STS: variants seen among roughly 807,000 people sequenced by gnomAD.
The protein encoded by STS is steroid sulfatase.
Under a neutral mutation model 26.8 loss-of-function variants are expected in STS, and 7 were observed. The observed-to-expected ratio is 0.26, with a 90% confidence interval of 0.15 to 0.49. The LOEUF (loss-of-function observed/expected upper bound fraction) is 0.49. STS is among the 20% of genes least tolerant of loss of function. STS has a pLI of 0.98. For missense variants in STS, 434 were observed against 465.6 expected (o/e 0.93, Z 0.63); for synonymous variants, 199 against 189.4 (o/e 1.05, Z -0.42).
chrX:7,223,377 G>A (rs1026911615), intron 2 of STS, among the ~76,000 whole-genome samples: 5 of 112,244 alleles, frequency 4.5e-5, no homozygotes, highest in African/African-American at 1.6e-4. Flanking sequence ...GTGTGTAAGT[G>A]TTCCATTTTC....
intron 9 of STS, among the ~76,000 whole-genome samples, 183 bp from the exon 10 acceptor site, chrX:7,333,803 C>G (rs184387471): frequency 3.6e-4 from 41 of 112,692 alleles, no homozygotes; most frequent in Non-Finnish European, 6.9e-4. Context: ...GTGCTCTTTG[C>G]AGATGTAATG....
At chrX:7,154,555 A>G (rs777768664) in intron 1 of STS, among the ~76,000 whole-genome samples, 2 of 112,587 alleles carry the variant, frequency 1.8e-5, no homozygotes, top group South Asian at 7.3e-4. Flanking sequence ...TCTTATAGAA[A>G]TAAAGAAATG....
intron 2 of STS, among the ~76,000 whole-genome samples, chrX:7,242,183 G>A (rs1922652160): frequency 9.0e-6 from 1 of 111,150 alleles, no homozygotes; most frequent in Non-Finnish European, 1.9e-5. Flanking sequence ...GTGAATACCA[G>A]AAGGGAAGTC....
At position 7,326,559 on chromosome X, in the gene STS, G is replaced by A. The variant is rs747756164; in HGVS notation, c.1241+1061G>A. 2.0e-3 allele frequency among the ~76,000 whole-genome samples: 220 copies of A among 111,841 alleles called. 3 individuals are homozygous for A. The highest frequency in any genetic ancestry group is 2.3e-3 in the African/African-American group (72 of 30,762). Reference sequence around the variant, plus strand: ...CAGCTAAGGCCCCATTTCCCAGCACGTCTTCACTGAGAAGTTCTAAATGAA... The same window carrying A: ...CAGCTAAGGCCCCATTTCCCAGCACATCTTCACTGAGAAGTTCTAAATGAA... On this transcript the variant is annotated intron_variant, in intron 9 of 10. Transcript: ENST00000674429.
chrX:7,266,140 C>G (rs1205042262), intron 6 of STS, among the ~76,000 whole-genome samples: 1 of 102,887 alleles, frequency 9.7e-6, no homozygotes, highest in Non-Finnish European at 2.0e-5. Flanking sequence ...TAAAAATTTC[C>G]AGTTACAACT....
intron 2 of STS, among the ~76,000 whole-genome samples, chrX:7,246,202 A>G (rs181856065): frequency 6.3e-5 from 7 of 111,734 alleles, no homozygotes; most frequent in African/African-American, 2.3e-4. Flanking sequence ...TTCACAAGAT[A>G]AGCCATTGTT....
chrX:7,325,154 T>G (rs1365954531), intron 8 of STS, among the ~76,000 whole-genome samples, 185 bp from the exon 9 acceptor site: 1 of 112,004 alleles, frequency 8.9e-6, no homozygotes, highest in Non-Finnish European at 1.9e-5. Context: ...TGGTGGTGAC[T>G]GTATCATATA....
chrX:7,301,894 C>G (rs1471190292), intron 7 of STS, among the ~76,000 whole-genome samples: 2 of 111,761 alleles, frequency 1.8e-5, no homozygotes, highest in Admixed American at 9.6e-5. Context: ...TAGCTCATTT[C>G]TTTTTAGCTC....
intron 9 of STS, among the ~76,000 whole-genome samples, chrX:7,327,376 CTT>C: frequency 1.0e-5 from 1 of 99,817 alleles, no homozygotes; most frequent in South Asian, 4.7e-4. Flanking sequence ...AATTCATATT[CTT>C]TTTTTTTTTC....
Position 7,257,601 on chromosome X carries a change from A to G in STS, c.382+13A>G, listed in dbSNP as rs1923487975. The G allele has an allele frequency of 3.3e-6, 4 of 1,211,387 alleles. No homozygotes were observed. Among genetic ancestry groups the G allele is most frequent in the South Asian group, 1.8e-5 (1 of 57,002 alleles). The stretch of plus-strand genomic sequence containing the variant: ...ACAGCACTGATAGGTATGGACATCT[A>G]TGGGATGGGAACCATCTATAGGTAT... On this transcript the variant is annotated intron_variant, in intron 5 of 10. Transcript: ENST00000674429.
chrX:7,229,691 G>A (rs1010037810), intron 2 of STS, among the ~76,000 whole-genome samples: 15 of 110,841 alleles, frequency 1.4e-4, no homozygotes, highest in Non-Finnish European at 2.8e-4. Context: ...TCATCAGGAT[G>A]CTGATCTGCC....
chrX:7,262,747 G>A (rs1193494229), intron 6 of STS, among the ~76,000 whole-genome samples: 1 of 111,617 alleles, frequency 9.0e-6, no homozygotes, highest in Non-Finnish European at 1.9e-5. Context: ...AAGAACATGT[G>A]AGCAAACATC....
At position 7,193,114 on chromosome X, in the gene STS, C is replaced by T. The variant is rs764509118; in HGVS notation, c.-5+2106C>T. On this transcript the variant is annotated intron_variant, in intron 2 of 10. Coordinates refer to ENST00000674429, the MANE Select transcript of STS (RefSeq NM_001320752.2). The stretch of plus-strand genomic sequence containing the variant: ...TTAAACCCCATAACAGAGGATTCTC[C>T]GTCTGAAAGCAACATCCGTGGAGGC... Among the ~76,000 whole-genome samples, 6 of 112,322 alleles carry T rather than the reference C, an allele frequency of 5.3e-5. No individual in the cohort carries two copies. In the South Asian group the frequency reaches 1.1e-3, roughly 21 times the overall value.
At chrX:7,268,911 G>A (rs1924138186) in intron 6 of STS, among the ~76,000 whole-genome samples, 2 of 109,333 alleles carry the variant, frequency 1.8e-5, no homozygotes, top group Middle Eastern at 4.7e-3. Flanking sequence ...CTACTTGGGG[G>A]ACTGAGATGA....
chrX:7,158,779 A>G (rs1322565160), intron 1 of STS, among the ~76,000 whole-genome samples: 1 of 111,688 alleles, frequency 9.0e-6, no homozygotes, highest in East Asian at 2.8e-4. Context: ...TCGACATTTA[A>G]CTTTGATCTT....
intron 10 of STS, among the ~76,000 whole-genome samples, chrX:7,345,080 C>A (rs1307102621): frequency 1.8e-5 from 2 of 111,035 alleles, no homozygotes; most frequent in Non-Finnish European, 3.8e-5. Flanking sequence ...GGGATAAAGA[C>A]AGAATGAGGC....
At chrX:7,148,285 C>T (rs1254210796) in intron 1 of STS, 1 of 277,448 alleles carries the variant, frequency 3.6e-6, no homozygotes, top group Non-Finnish European at 6.4e-6. Flanking sequence ...CCTAGTGGCG[C>T]TCCGCGCACG....
At chrX:7,346,647 T>C (rs1263773590) in intron 10 of STS, among the ~76,000 whole-genome samples, 1 of 112,205 alleles carries the variant, frequency 8.9e-6, no homozygotes, top group Non-Finnish European at 1.9e-5. Context: ...TTGATGATAA[T>C]TTTTAAAATA....
chrX:7,179,372 G>A (rs1344253927), intron 1 of STS, among the ~76,000 whole-genome samples: 1 of 107,109 alleles, frequency 9.3e-6, no homozygotes, highest in Non-Finnish European at 1.9e-5. Flanking sequence ...TCTCATGAAA[G>A]TGATAATGAG....
Sources: allele counts gnomAD v4.1 joint callset (sites outside exome capture counted in the v4.1 genomes callset), GRCh38; gene constraint gnomAD v4.1.1; transcripts MANE v1.5; gene names NCBI Gene and HGNC (gene_info 2026-07-23, HGNC 2026-07-21).